STK32C: variants seen among roughly 807,000 people sequenced by gnomAD.
STK32C encodes the protein serine/threonine-protein kinase 32C.
In STK32C, 31 loss-of-function variants were observed where a neutral mutation model predicts 56.5. The observed-to-expected ratio is 0.55, with a 90% CI of 0.41 to 0.74. The LOEUF (loss-of-function observed/expected upper bound fraction) is 0.74. Among genes scored for constraint, STK32C ranks in the 30% least tolerant of loss-of-function variants. The pLI is 0.00. For synonymous variants in STK32C, 309 were observed against 289.4 expected (o/e 1.07, Z -0.69); for missense variants, 544 against 676.9 (o/e 0.80, Z 2.18).
chr10:132,290,200 G>A (rs994934086), intron 1 of STK32C, among the ~76,000 whole-genome samples: 3 of 152,112 alleles, frequency 2.0e-5, no homozygotes, highest in Non-Finnish European at 2.9e-5. Flanking sequence ...ATGCCTCCCC[G>A]CTGGACACCG....
At chr10:132,230,732 G>A (rs989438167) in intron 2 of STK32C, among the ~76,000 whole-genome samples, 6 of 135,340 alleles carry the variant, frequency 4.4e-5, no homozygotes, top group Non-Finnish European at 9.2e-5. Flanking sequence ...GCCAGCACCC[G>A]CAGCCCAAGG....
rs180715811 is a variant in STK32C, at chr10:132,257,802, C to T, written c.263-11847G>A. ...CCAGAACCAAACACCCCCAGGGGAC[C>T]CATCAGCTGCCCTGGGCTGGGGGCT... On this transcript the variant is annotated intron_variant, in intron 1 of 11. Coordinates refer to ENST00000298630, the MANE Select transcript of STK32C (RefSeq NM_173575.4). Among the ~76,000 whole-genome samples the T allele has an allele frequency of 2.0e-5, 3 of 152,016 alleles. No homozygotes were observed. In the East Asian group the frequency reaches 5.8e-4, roughly 30 times the overall value.
At chr10:132,222,832 C>T (rs766882774) in intron 9 of STK32C, 29 bp downstream of exon 9, 25 of 1,590,350 alleles carry the variant, frequency 1.6e-5, no homozygotes, top group South Asian at 1.4e-4. Context: ...ATCCCCAGGG[C>T]CCCCCACCTG....
chr10:132,306,655 A>G (rs1187018400), intron 1 of STK32C, among the ~76,000 whole-genome samples: 1 of 152,230 alleles, frequency 6.6e-6, no homozygotes, highest in Non-Finnish European at 1.5e-5. Flanking sequence ...GATCCATCAT[A>G]CCTCTGCACG....
chr10:132,306,099 C>T (rs2066050531), intron 1 of STK32C, among the ~76,000 whole-genome samples: 1 of 152,182 alleles, frequency 6.6e-6, no homozygotes, highest in South Asian at 2.1e-4. Flanking sequence ...ACACTGTGAA[C>T]ACACAGGGAA....
intron 2 of STK32C, among the ~76,000 whole-genome samples, chr10:132,230,683 G>T (rs1158250557): frequency 2.1e-5 from 3 of 144,228 alleles, no homozygotes; most frequent in South Asian, 2.4e-4. Flanking sequence ...AGCTGGCGGG[G>T]GGGGGGGGGC....
At chr10:132,296,538 T>G (rs2065753222) in intron 1 of STK32C, among the ~76,000 whole-genome samples, 1 of 152,204 alleles carries the variant, frequency 6.6e-6, no homozygotes, top group Non-Finnish European at 1.5e-5. Context: ...CCACATAGAT[T>G]TTGCATGTTT....
chr10:132,268,468 C>CGTGTGT (rs1268283588), intron 1 of STK32C, among the ~76,000 whole-genome samples: 3 of 76,164 alleles, frequency 3.9e-5, no homozygotes, highest in Non-Finnish European at 5.0e-5. Context: ...TGTCCCACAT[C>CGTGTGT]GTGTGTGTGT....
At chr10:132,242,931 C>T (rs1037022223) in intron 2 of STK32C, among the ~76,000 whole-genome samples, 2 of 152,154 alleles carry the variant, frequency 1.3e-5, no homozygotes, top group African/African-American at 4.8e-5. Flanking sequence ...CCAGGGGAAC[C>T]ACAGACCGGA....
chr10:132,231,822 G>A (rs1221469006), intron 2 of STK32C, among the ~76,000 whole-genome samples: 2 of 152,232 alleles, frequency 1.3e-5, no homozygotes, highest in South Asian at 2.1e-4. Flanking sequence ...GTGACATGGC[G>A]GCAAGCTGAG....
intron 1 of STK32C, among the ~76,000 whole-genome samples, chr10:132,292,778 C>G (rs2065609034): frequency 6.6e-6 from 1 of 152,006 alleles, no homozygotes; most frequent in Non-Finnish European, 1.5e-5. Context: ...CTGGCTGACA[C>G]CATCCCCTGG....
chr10:132,220,802 G>A (rs1013810507), intron 10 of STK32C, among the ~76,000 whole-genome samples: 1 of 152,148 alleles, frequency 6.6e-6, no homozygotes, highest in African/African-American at 2.4e-5. Context: ...ACAAGGCCAC[G>A]ACCTCAATGT....
intron 8 of STK32C, among the ~76,000 whole-genome samples, chr10:132,223,901 A>G (rs980221216): frequency 6.6e-6 from 1 of 152,194 alleles, no homozygotes; most frequent in Non-Finnish European, 1.5e-5. Flanking sequence ...AATGGGAGGC[A>G]CTACTGATGG....
rs1392957407 is a variant in STK32C, at chr10:132,307,331, C to T, written c.262+241G>A. The T allele has an allele frequency of 5.5e-6, 2 of 364,802 alleles. No individual in the cohort carries two copies. Among genetic ancestry groups the T allele is most frequent in the Non-Finnish European group, 4.8e-6 (1 of 206,742 alleles). The allele number at this position is 364,802 out of a possible 1,614,324, so 22.6% of individuals were successfully genotyped here. ...ACGCCACAGCCGCGGGGGACCCTCG[C>T]CCCGAGGGCCCGGGCCCAGCCTGCT... On this transcript the variant is annotated intron_variant, in intron 1 of 11. Coordinates refer to ENST00000298630, the MANE Select transcript of STK32C (RefSeq NM_173575.4). This position sits in a 1 kb window ranked among gnomAD's most constrained non-coding sequence, Gnocchi z 4.4.
At chr10:132,331,384 G>T in intron 1 of STK32C, 3 of 1,546,732 alleles carry the variant, frequency 1.9e-6, no homozygotes, top group Non-Finnish European at 1.8e-6. Context: ...CTCCCGCCCG[G>T]TGTCATTTCA....
chr10:132,245,361 C>T lies in STK32C; in HGVS notation c.318+539G>A, dbSNP rs139020986. Among the ~76,000 whole-genome samples the T allele has an allele frequency of 1.4e-3, 216 of 152,304 alleles. 2 individuals carry two copies. The highest frequency in any genetic ancestry group is 4.7e-3 in the African/African-American group (196 of 41,558). On this transcript the variant is annotated intron_variant, in intron 2 of 11. Coordinates refer to ENST00000298630, the MANE Select transcript of STK32C (RefSeq NM_173575.4). ...GTTAAGCCTCTTTGAGTTATAATTA[C>T]CCCCAATCTCTAGATATTACAAGGC... is the stretch of plus-strand genomic sequence containing the variant.
chr10:132,275,011 G>A (rs1038595707), intron 1 of STK32C, among the ~76,000 whole-genome samples: 2 of 152,190 alleles, frequency 1.3e-5, no homozygotes, highest in African/African-American at 4.8e-5. Context: ...AGCTTCTGAG[G>A]GCCCAGCACC....
intron 1 of STK32C, among the ~76,000 whole-genome samples, chr10:132,298,368 C>G (rs1166655813): frequency 6.6e-6 from 1 of 152,278 alleles, no homozygotes; most frequent in Non-Finnish European, 1.5e-5. Context: ...AGGAATTCCT[C>G]CTGCCCCAAT....
intron 9 of STK32C, 24 bp downstream of exon 9, chr10:132,222,837 C>A (rs753703789): frequency 2.5e-5 from 40 of 1,589,954 alleles, no homozygotes; most frequent in East Asian, 4.6e-5. Context: ...CAGGGCCCCC[C>A]ACCTGAGCCG....
Sources: allele counts gnomAD v4.1 joint callset (sites outside exome capture counted in the v4.1 genomes callset), GRCh38; gene constraint gnomAD v4.1.1; non-coding constraint Gnocchi (gnomAD v3.1); transcripts MANE v1.5; gene names NCBI Gene and HGNC (gene_info 2026-07-23, HGNC 2026-07-21).